The following FMN2 variants were observed in gnomAD, a reference collection of about 807,000 sequenced individuals.
FMN2 encodes the protein formin-2.
FMN2 carries 51 observed loss-of-function variants against 142.3 expected under a neutral mutation model. The ratio of observed to expected loss-of-function variants is 0.36; its 90% confidence interval spans 0.29 to 0.45. The LOEUF is 0.45. Among genes scored for constraint, FMN2 ranks in the 20% least tolerant of loss-of-function variants. The pLI, the probability that FMN2 is intolerant of heterozygous loss-of-function variation, is 1.00. For synonymous variants in FMN2, 882 were observed against 869.8 expected (o/e 1.01, Z -0.25); for missense variants, 1,936 against 2,122.8 (o/e 0.91, Z 1.73).
intron 14 of FMN2, among the ~76,000 whole-genome samples, chr1:240,378,501 T>C (rs536401943): frequency 6.6e-6 from 1 of 152,270 alleles, no homozygotes; most frequent in African/African-American, 2.4e-5. Flanking sequence ...TAGGTGTTTA[T>C]TGTGTGTATC....
At chr1:240,425,489 CT>C (rs1006814961) in intron 15 of FMN2, among the ~76,000 whole-genome samples, 2 of 152,094 alleles carry the variant, frequency 1.3e-5, no homozygotes, top group African/African-American at 4.8e-5. Flanking sequence ...TGGATCCATT[CT>C]TTTTTTCTAT....
At chr1:240,384,967 C>T (rs760444476) in intron 14 of FMN2, among the ~76,000 whole-genome samples, 11 of 152,160 alleles carry the variant, frequency 7.2e-5, no homozygotes, top group Non-Finnish European at 1.5e-4. Context: ...TCTCCATCTA[C>T]CATTTTCTTA....
chr1:240,344,994 A>T (rs1671861371), intron 13 of FMN2, among the ~76,000 whole-genome samples: 1 of 152,210 alleles, frequency 6.6e-6, no homozygotes, highest in African/African-American at 2.4e-5. Flanking sequence ...CACATATGTG[A>T]TACAAGTTTA....
intron 7 of FMN2, among the ~76,000 whole-genome samples, chr1:240,271,098 G>GCTT (rs1233218686): frequency 1.1e-4 from 8 of 72,230 alleles, no homozygotes; most frequent in Admixed American, 1.7e-4. Context: ...TTCCACGATG[G>GCTT]TTTTTTTTTT....
At chr1:240,126,104 C>A (rs114150023) in intron 2 of FMN2, among the ~76,000 whole-genome samples, 1 of 152,098 alleles carries the variant, frequency 6.6e-6, no homozygotes, top group African/African-American at 2.4e-5. Context: ...TCATTGGATG[C>A]GCAGTCAAGG....
At chr1:240,386,490 C>T (rs1044620963) in intron 14 of FMN2, among the ~76,000 whole-genome samples, 5 of 152,174 alleles carry the variant, frequency 3.3e-5, no homozygotes, top group African/African-American at 1.2e-4. Context: ...GGTATTCCCT[C>T]ATGAAAGCTC....
chr1:240,341,884 G>T (rs1049410131), intron 13 of FMN2, among the ~76,000 whole-genome samples: 3 of 152,152 alleles, frequency 2.0e-5, no homozygotes, highest in Non-Finnish European at 4.4e-5. Flanking sequence ...TACTCTTGCT[G>T]CCCCAGGCAT....
chr1:240,203,904 A>G (rs147901161), intron 4 of FMN2, among the ~76,000 whole-genome samples: 22 of 152,332 alleles, frequency 1.4e-4, no homozygotes, highest in African/African-American at 4.8e-4. Context: ...CACAAAATAC[A>G]TAACACAAAA....
chr1:240,160,000 T>C (rs867363164), intron 2 of FMN2, among the ~76,000 whole-genome samples: 2,146 of 116,170 alleles, frequency 0.018, 58 homozygotes, highest in African/African-American at 0.075. Flanking sequence ...CACACACACA[T>C]ACACACATAT....
intron 2 of FMN2, among the ~76,000 whole-genome samples, chr1:240,160,101 GT>G (rs2103290764): frequency 6.7e-6 from 1 of 150,280 alleles, no homozygotes; most frequent in East Asian, 2.0e-4. Context: ...GACTCAGGTA[GT>G]TTCATTGGTG....
At chr1:240,170,053 T>C in intron 2 of FMN2, 1 of 579,956 alleles carries the variant, frequency 1.7e-6, no homozygotes. Context: ...ATTCTGTCTC[T>C]ACTCACAGAT....
At chr1:240,098,919 A>C (rs560373873) in intron 1 of FMN2, among the ~76,000 whole-genome samples, 1 of 152,324 alleles carries the variant, frequency 6.6e-6, no homozygotes, top group Admixed American at 6.5e-5. Flanking sequence ...GATTCTTCTG[A>C]AAAGATACAG....
chr1:240,145,489 T>C (rs1663408508), intron 2 of FMN2: 1 of 272,402 alleles, frequency 3.7e-6, no homozygotes, highest in African/African-American at 2.2e-5. Flanking sequence ...ATGCACTTAA[T>C]GTTTTTACTA....
intron 7 of FMN2, among the ~76,000 whole-genome samples, chr1:240,280,210 A>G (rs1372886868): frequency 6.6e-6 from 1 of 152,138 alleles, no homozygotes; most frequent in Non-Finnish European, 1.5e-5. Context: ...ATACTAAAGA[A>G]GTTGAATATT....
At chr1:240,157,097 GTC>G (rs1157759876) in intron 2 of FMN2, among the ~76,000 whole-genome samples, 2 of 152,120 alleles carry the variant, frequency 1.3e-5, no homozygotes, top group African/African-American at 4.8e-5. Flanking sequence ...ACTTTAAAAA[GTC>G]TACCGCACAG....
chr1:240,091,917 C>A lies in FMN2; in HGVS notation c.-193C>A. On this transcript the variant is annotated 5_prime_UTR_variant, in exon 1 of 18. Coordinates refer to ENST00000319653, the MANE Select transcript of FMN2 (RefSeq NM_020066.5). ...GCCGCAGCGACGGCAGCCACGGGAG[C>A]CGCCGCGCATTATGCAAAGCGGCGG... 1 of 972,582 alleles carries A rather than the reference C, an allele frequency of 1.0e-6. No individual in the cohort carries two copies. The highest frequency in any genetic ancestry group is 1.4e-6 in the Non-Finnish European group (1 of 716,254). 60.2% of individuals were successfully genotyped at this position (972,582 alleles called of 1,614,324 possible).
chr1:240,325,120 G>T (rs1159892588), intron 8 of FMN2, among the ~76,000 whole-genome samples: 1 of 151,972 alleles, frequency 6.6e-6, no homozygotes, highest in African/African-American at 2.4e-5. Context: ...TGTATATCTA[G>T]GCTGAGGCAG....
intron 1 of FMN2, among the ~76,000 whole-genome samples, chr1:240,121,735 T>TAAAAAAAAAAAAAAAAAAAAA (rs71168898): frequency 3.9e-5 from 1 of 25,678 alleles, no homozygotes; most frequent in Non-Finnish European, 6.4e-5. Context: ...AGGGAAATAG[T>TAAAAAAAAAAAAAAAAAAAAA]AAAAAAAAAA....
At chr1:240,341,082 C>G (rs1221548859) in intron 13 of FMN2, among the ~76,000 whole-genome samples, 1 of 152,156 alleles carries the variant, frequency 6.6e-6, no homozygotes, top group African/African-American at 2.4e-5. Context: ...CATTCCTCAA[C>G]ATTATCTTCT....
Sources: allele counts gnomAD v4.1 joint callset (sites outside exome capture counted in the v4.1 genomes callset), GRCh38; gene constraint gnomAD v4.1.1; transcripts MANE v1.5; gene names NCBI Gene and HGNC (gene_info 2026-07-23, HGNC 2026-07-21).